Variants in ABCF2 observed in about 807,000 individuals in gnomAD.
ABCF2 encodes the protein ATP-binding cassette sub-family F member 2.
Under a neutral mutation model 76.9 loss-of-function variants are expected in ABCF2, and 37 were observed. That is an observed-to-expected ratio of 0.48 (90% confidence interval 0.37 to 0.63). The LOEUF (loss-of-function observed/expected upper bound fraction) is 0.63. Ranked by LOEUF, ABCF2 falls within the 30% of genes least tolerant of loss-of-function variation. The pLI is 0.00. For synonymous variants in ABCF2, 299 were observed against 283.7 expected, an observed-to-expected ratio of 1.05 and a Z score of -0.54; for missense variants, 524 against 782.1, an observed-to-expected ratio of 0.67 and a Z score of 3.94.
At chr7:151,218,397 G>A (rs915528839) in intron 10 of ABCF2, among the ~76,000 whole-genome samples, 164 bp downstream of exon 10, 4 of 152,090 alleles carry the variant, frequency 2.6e-5, no homozygotes, top group African/African-American at 9.7e-5. Flanking sequence ...CACGAAGAAA[G>A]GCCCGCGAGC....
At chr7:151,217,295 C>T (rs968415407) in intron 11 of ABCF2, among the ~76,000 whole-genome samples, 1 of 152,136 alleles carries the variant, frequency 6.6e-6, no homozygotes, top group Non-Finnish European at 1.5e-5. Context: ...TCCAAGTAAC[C>T]TGACAGGTGC....
At chr7:151,226,584 T>A in intron 1 of ABCF2, 84 bp from the exon 2 acceptor site, 2 of 1,060,930 alleles carry the variant, frequency 1.9e-6, no homozygotes, top group Non-Finnish European at 2.6e-6. Flanking sequence ...CTCAGGAATC[T>A]TCGTATCAAC....
Position 151,211,998 on chromosome 7 carries a change from C to G in ABCF2, c.*2056G>C, listed in dbSNP as rs1212812458. ...TTCCACCTTTCTGGGCAGCTACTCA[C>G]AAGAAATTTCCCTCCTTTTTGAATA... On this transcript the variant is annotated 3_prime_UTR_variant, in exon 15 of 15. Coordinates refer to ENST00000287844, the MANE Select transcript of ABCF2 (RefSeq NM_007189.3). 2 of 969,356 alleles carry G rather than the reference C, an allele frequency of 2.1e-6. No individual in the cohort carries two copies. Among genetic ancestry groups the G allele is most frequent in the South Asian group, 4.8e-5 (1 of 20,988 alleles). The allele number at this position is 969,356 out of a possible 1,614,324, so 60.0% of individuals were successfully genotyped here.
intron 1 of ABCF2, 105 bp downstream of exon 1, chr7:151,227,058 T>C (rs1435440054): frequency 9.5e-6 from 1 of 105,322 alleles, no homozygotes; most frequent in Non-Finnish European, 1.9e-5. Context: ...ATCTTCCCCC[T>C]CGCAGAGCCC....
Position 151,211,501 on chromosome 7 carries a change from ATT to A in ABCF2, c.*2551_*2552del, listed in dbSNP as rs1209244656. 1.0e-6 allele frequency: 1 copy of A among 980,382 alleles called. No homozygotes were observed. Among genetic ancestry groups the A allele is most frequent in the African/African-American group, 1.7e-5 (1 of 57,248 alleles). The allele number at this position is 980,382 out of a possible 1,614,324, so 60.7% of individuals were successfully genotyped here. On this transcript the variant is annotated 3_prime_UTR_variant, in exon 15 of 15. Coordinates refer to ENST00000287844, the MANE Select transcript of ABCF2 (RefSeq NM_007189.3). Reference sequence around the variant, plus strand: ...GGCACTGCTAATTTTAGAAATATGTATTTTGTGGACTTTTAAAGCATTATTTA... The same window carrying A: ...GGCACTGCTAATTTTAGAAATATGTATTGTGGACTTTTAAAGCATTATTTA...
chr7:151,214,286 GC>G lies in ABCF2; in HGVS notation c.1735-96del, dbSNP rs1263485271. On this transcript the variant is annotated intron_variant, in intron 14 of 14. Coordinates refer to ENST00000287844, the MANE Select transcript of ABCF2 (RefSeq NM_007189.3). The surrounding 1 kb of genome is among the most constrained non-coding windows in gnomAD (Gnocchi z 4.9). ...GAGGGGCGTCTAGGAAGAAAACTCC[GC>G]CCCCCAAACCCATATCCAACTCACT... is the stretch of plus-strand genomic sequence containing the variant. The G allele has an allele frequency of 5.7e-6, 9 of 1,576,006 alleles. No homozygotes were observed. The highest frequency in any genetic ancestry group is 3.4e-5 in the Admixed American group (2 of 58,130).
intron 2 of ABCF2, among the ~76,000 whole-genome samples, chr7:151,225,330 T>C (rs943552521): frequency 6.6e-6 from 1 of 152,194 alleles, no homozygotes; most frequent in African/African-American, 2.4e-5. Context: ...CTAATTCTCC[T>C]TTCCTCTTCA....
rs1802052637 is a variant in ABCF2, at chr7:151,211,967, C to T, written c.*2087G>A. On this transcript the variant is annotated 3_prime_UTR_variant, in exon 15 of 15. Transcript: ENST00000287844. ...CCTACTCATTTTTCAAGTGAGAGCA[C>T]ACCAATTCCACCTTTCTGGGCAGCT... 1.0e-6 allele frequency: 1 copy of T among 982,600 alleles called. No individual in the cohort carries two copies. Among genetic ancestry groups the T allele is most frequent in the Non-Finnish European group, 1.2e-6 (1 of 827,330 alleles). 60.9% of individuals were successfully genotyped at this position (982,600 alleles called of 1,614,324 possible). A position where few individuals can be genotyped will look rare whatever the true frequency, so the allele number is the denominator to read the frequency against.
Position 151,223,981 on chromosome 7 carries a change from T to C in ABCF2, c.501A>G (p.Thr167=), listed in dbSNP as rs1563617721. 2.5e-6 allele frequency: 4 copies of C among 1,614,164 alleles called. No homozygotes were observed. Among genetic ancestry groups the C allele is most frequent in the Admixed American group, 1.7e-5 (1 of 60,014 alleles). ...TPLHCVMEVD[T]ERAMLEKEAE... is the part of the protein sequence containing the mutation. Reference sequence around the variant, plus strand: ...CCTCTTTCTCCAGCATGGCCCGCTCTGTGTCGACTTCCATCACACAATGCA... The same window carrying C: ...CCTCTTTCTCCAGCATGGCCCGCTCCGTGTCGACTTCCATCACACAATGCA... The change falls in exon 4 of 15, where the codon ACA becomes ACG. Residue 167 remains threonine, a synonymous_variant. Transcript: ENST00000287844.
At chr7:151,222,702 T>A in intron 5 of ABCF2, 86 bp from the exon 6 acceptor site, 1 of 1,049,302 alleles carries the variant, frequency 9.5e-7, no homozygotes, top group Non-Finnish European at 1.4e-6. Flanking sequence ...CTACATGCAA[T>A]TCTGAGTAGG....
At chr7:151,224,188 C>T (rs1802330123) in intron 3 of ABCF2, 74 bp from the exon 4 acceptor site, 1 of 1,482,148 alleles carries the variant, frequency 6.7e-7, no homozygotes, top group Admixed American at 2.1e-5. Flanking sequence ...TCTTCCACCC[C>T]AGTCAAACTG....
chr7:151,217,589 A>C (rs970798301), intron 11 of ABCF2, among the ~76,000 whole-genome samples: 6 of 152,144 alleles, frequency 3.9e-5, no homozygotes, highest in Non-Finnish European at 8.8e-5. Context: ...TCATGAGGTC[A>C]GGAGTTCAAG....
At position 151,215,878 on chromosome 7, in the gene ABCF2, G is replaced by T; in HGVS notation, c.1401+89C>A. 1 of 1,584,526 alleles carries T rather than the reference G, an allele frequency of 6.3e-7. No homozygotes were observed. The stretch of plus-strand genomic sequence containing the variant: ...CCACCTAGGCTGGAATTCCTGCCAG[G>T]GGGTGGGGGCGGCTGGCTGGAACTC... On this transcript the variant is annotated intron_variant, in intron 12 of 14. Transcript: ENST00000287844. The surrounding 1 kb of genome is among the most constrained non-coding windows in gnomAD (Gnocchi z 4.6).
In ABCF2 at chr7:151,226,392, G is replaced by A. The variant is rs1314691636; in HGVS notation, c.67C>T (p.Pro23Ser). 3.1e-6 allele frequency: 5 copies of A among 1,613,996 alleles called. No homozygotes were observed. The East Asian group carries it at 1.1e-4, about 36-fold the overall frequency. The change falls in exon 2 of 15, where the codon CCC becomes TCC. Residue 23 changes from proline (P) to serine (S), a missense_variant. This residue lies in a region of ABCF2 where 330 missense variants were observed against 433.6 expected (regional missense o/e 0.76). Transcript: ENST00000287844. ...KKEAAKARQR[P>S]RKGHEENGDV... The stretch of plus-strand genomic sequence containing the variant: ...CCATTTTCTTCATGTCCTTTTCTGG[G>A]CCGCTGTCGAGCTTTGGCAGCCTCC...
chr7:151,218,004 C>T lies in ABCF2; in HGVS notation c.1338+77G>A, dbSNP rs569525716. The T allele has an allele frequency of 1.9e-4, 203 of 1,089,852 alleles. 2 individuals carry two copies. In the South Asian group the frequency reaches 2.3e-3, roughly 13 times the overall value. 67.5% of individuals were successfully genotyped at this position (1,089,852 alleles called of 1,614,324 possible). ...ACTCAGGCCCTCCCAAAGTAGTAGC[C>T]CCTGCATCACTCCCCTCTTCCTTAA... On this transcript the variant is annotated intron_variant, in intron 11 of 14. Transcript: ENST00000287844.
At chr7:151,218,699 C>T in intron 9 of ABCF2, 49 bp from the exon 10 acceptor site, 2 of 1,613,466 alleles carry the variant, frequency 1.2e-6, no homozygotes, top group Non-Finnish European at 1.7e-6. Context: ...TCTTATCCAC[C>T]TCACCTTAGG....
chr7:151,223,611 T>C, intron 5 of ABCF2, 67 bp downstream of exon 5: 1 of 1,498,872 alleles, frequency 6.7e-7, no homozygotes, highest in Non-Finnish European at 9.0e-7. Context: ...ACAGTTCCAC[T>C]GGAGTGAACA....
Position 151,214,075 on chromosome 7 carries a change from G to C in ABCF2, c.1851C>G (p.Thr617=), listed in dbSNP as rs769849860. 1.2e-6 allele frequency: 2 copies of C among 1,614,058 alleles called. No individual in the cohort carries two copies. The highest frequency in any genetic ancestry group is 1.1e-5 in the South Asian group (1 of 91,078). ...SKLVDEEPQL[T]KRTHNV ...GGGCTCACACGTTGTGGGTCCTCTT[G>C]GTGAGCTGGGGCTCCTCATCCACCA... The change falls in exon 15 of 15, where the codon ACC becomes ACG. Residue 617 remains threonine (T), a synonymous_variant. Coordinates refer to ENST00000287844, the MANE Select transcript of ABCF2 (RefSeq NM_007189.3). This position sits in a 1 kb window ranked among gnomAD's most constrained non-coding sequence, Gnocchi z 4.9.
Position 151,212,408 on chromosome 7 carries a change from CGTT to C in ABCF2, c.*1643_*1645del, listed in dbSNP as rs1036597290. ...CCCAATAGGAAGAGAGGTTCACAGA[CGTT>C]GGTGTGAAAATGCAAACTCCTGGCC... On this transcript the variant is annotated 3_prime_UTR_variant, in exon 15 of 15. Coordinates refer to ENST00000287844, the MANE Select transcript of ABCF2 (RefSeq NM_007189.3). The C allele has an allele frequency of 2.0e-6, 2 of 985,332 alleles. No individual in the cohort carries two copies. The highest frequency in any genetic ancestry group is 1.7e-5 in the African/African-American group (1 of 57,246). The allele number at this position is 985,332 out of a possible 1,614,324, so 61.0% of individuals were successfully genotyped here.
Sources: allele counts gnomAD v4.1 joint callset (sites outside exome capture counted in the v4.1 genomes callset), GRCh38; gene constraint gnomAD v4.1.1; regional missense constraint gnomAD v4.1.1; non-coding constraint Gnocchi (gnomAD v3.1); transcripts MANE v1.5; gene names NCBI Gene and HGNC (gene_info 2026-07-23, HGNC 2026-07-21).